The following PARD3 variants were observed in gnomAD, a reference collection of about 807,000 sequenced individuals.
PARD3 encodes the protein partitioning defective 3 homolog.
PARD3 carries 75 observed loss-of-function variants against 155.4 expected under a neutral mutation model. The ratio of observed to expected loss-of-function variants is 0.48; its 90% confidence interval spans 0.40 to 0.58. The LOEUF (loss-of-function observed/expected upper bound fraction) is 0.58. Ranked by LOEUF, PARD3 falls within the 20% of genes least tolerant of loss-of-function variation. The probability of loss-of-function intolerance (pLI) is 0.00; values close to 1 mark genes in which losing one functional copy is unlikely to be tolerated. For synonymous variants in PARD3, 576 were observed against 610.5 expected (o/e 0.94, Z 0.83); for missense variants, 1,642 against 1,721.7 (o/e 0.95, Z 0.82).
At chr10:34,628,306 C>T (rs192864960) in intron 2 of PARD3, among the ~76,000 whole-genome samples, 88 of 152,264 alleles carry the variant, frequency 5.8e-4, no homozygotes, top group African/African-American at 2.0e-3. Context: ...TAGTCAAATG[C>T]CAGGGACCAG....
intron 14 of PARD3, among the ~76,000 whole-genome samples, chr10:34,349,542 A>C (rs901181352): frequency 1.3e-5 from 2 of 149,832 alleles, no homozygotes; most frequent in African/African-American, 4.9e-5. Context: ...AGTTTCTAAA[A>C]GAATGTAATG....
At chr10:34,467,758 T>C (rs1195458716) in intron 4 of PARD3, among the ~76,000 whole-genome samples, 1 of 151,978 alleles carries the variant, frequency 6.6e-6, no homozygotes, top group Admixed American at 6.6e-5. Flanking sequence ...AATAAATAAA[T>C]AAATAAATAA....
intron 7 of PARD3, among the ~76,000 whole-genome samples, chr10:34,391,845 A>G (rs2132092068): frequency 6.6e-6 from 1 of 152,336 alleles, no homozygotes; most frequent in South Asian, 2.1e-4. Context: ...CAACTCAAAA[A>G]CGCAAAACAT....
intron 22 of PARD3, among the ~76,000 whole-genome samples, chr10:34,263,666 G>A (rs1403519695): frequency 1.3e-5 from 2 of 152,016 alleles, no homozygotes; most frequent in Non-Finnish European, 2.9e-5. Flanking sequence ...AAAAAAAGAA[G>A]AGCCCAGGAT....
chr10:34,262,709 T>G (rs982259372), intron 22 of PARD3, among the ~76,000 whole-genome samples: 3 of 152,186 alleles, frequency 2.0e-5, no homozygotes, highest in African/African-American at 7.2e-5. Flanking sequence ...TCAGACTCAG[T>G]AAGAATTTTA....
intron 2 of PARD3, among the ~76,000 whole-genome samples, chr10:34,664,642 C>T (rs1188575628): frequency 6.6e-6 from 1 of 151,956 alleles, no homozygotes; most frequent in Non-Finnish European, 1.5e-5. Flanking sequence ...TGTGCCACCA[C>T]ACCCAGCTAA....
At chr10:34,550,285 G>A (rs2084436288) in intron 2 of PARD3, among the ~76,000 whole-genome samples, 1 of 152,112 alleles carries the variant, frequency 6.6e-6, no homozygotes, top group African/African-American at 2.4e-5. Context: ...GCAGTGGTAG[G>A]ATCACTGCCT....
At chr10:34,445,955 G>A (rs2076718079) in intron 5 of PARD3, among the ~76,000 whole-genome samples, 1 of 152,126 alleles carries the variant, frequency 6.6e-6, no homozygotes, top group African/African-American at 2.4e-5. Flanking sequence ...AGTTCCAGGG[G>A]TCAAGCTCTA....
At chr10:34,283,777 T>C (rs893471750) in intron 21 of PARD3, among the ~76,000 whole-genome samples, 1 of 152,010 alleles carries the variant, frequency 6.6e-6, no homozygotes, top group East Asian at 1.9e-4. Context: ...AAAATTATTA[T>C]AATATACTAA....
intron 14 of PARD3, among the ~76,000 whole-genome samples, chr10:34,353,279 G>C (rs941906394): frequency 1.3e-5 from 2 of 152,214 alleles, no homozygotes; most frequent in African/African-American, 2.4e-5. Context: ...GTAGAAAAGG[G>C]GGAAATGTGG....
chr10:34,625,061 T>A (rs1041124401), intron 2 of PARD3, among the ~76,000 whole-genome samples: 1 of 152,158 alleles, frequency 6.6e-6, no homozygotes, highest in African/African-American at 2.4e-5. Flanking sequence ...ACAGGGACCT[T>A]CTTCCATATA....
At chr10:34,636,751 C>A (rs1181756783) in intron 2 of PARD3, among the ~76,000 whole-genome samples, 1 of 152,166 alleles carries the variant, frequency 6.6e-6, no homozygotes, top group Non-Finnish European at 1.5e-5. Context: ...AAAGGTGGGG[C>A]AGGGCGAGGA....
intron 12 of PARD3, among the ~76,000 whole-genome samples, chr10:34,367,230 A>G (rs181656805): frequency 7.2e-5 from 11 of 152,354 alleles, no homozygotes; most frequent in African/African-American, 2.4e-4. Flanking sequence ...AAAGGAGATT[A>G]AAGAGCCATG....
At chr10:34,130,421 G>A (rs537855423) in intron 23 of PARD3, among the ~76,000 whole-genome samples, 1 of 152,116 alleles carries the variant, frequency 6.6e-6, no homozygotes, top group Admixed American at 6.5e-5. Flanking sequence ...TCTATTCCCA[G>A]TCTTCTAAGC....
chr10:34,363,698 A>C (rs568083323), intron 12 of PARD3, among the ~76,000 whole-genome samples: 1 of 152,294 alleles, frequency 6.6e-6, no homozygotes, highest in South Asian at 2.1e-4. Context: ...TCGAATTAAG[A>C]TCTTTCTACA....
rs776637341 is a variant in PARD3 at position 34,377,996 on chromosome 10, G to T, written c.1510C>A (p.Arg504=). ...LPRGAAIQDG[R]LKAGDRLIEV... ...ATAAGTCTGTCTCCTGCCTTAAGTC[G>T]GCCATCCTGAATGGCCGCCCCCCGG... The change falls in exon 10 of 25, where the codon CGA becomes AGA. Residue 504 remains arginine (R), a synonymous_variant. Transcript: ENST00000374788. 1 of 1,585,310 alleles carries T rather than the reference G, an allele frequency of 6.3e-7. No individual in the cohort carries two copies. Among genetic ancestry groups the T allele is most frequent in the African/African-American group, 1.4e-5 (1 of 72,544 alleles).
At chr10:34,588,801 A>T (rs2088357358) in intron 2 of PARD3, among the ~76,000 whole-genome samples, 1 of 152,230 alleles carries the variant, frequency 6.6e-6, no homozygotes, top group African/African-American at 2.4e-5. Flanking sequence ...GGCTGGCAGC[A>T]TCAGTATCAG....
intron 5 of PARD3, among the ~76,000 whole-genome samples, chr10:34,421,600 C>T (rs552250187): frequency 6.6e-6 from 1 of 152,184 alleles, no homozygotes; most frequent in South Asian, 2.1e-4. Flanking sequence ...TAGCTGCAAG[C>T]TCATTAAACA....
At chr10:34,690,193 C>T (rs1463214812) in intron 2 of PARD3, among the ~76,000 whole-genome samples, 1 of 152,206 alleles carries the variant, frequency 6.6e-6, no homozygotes, top group Non-Finnish European at 1.5e-5. Flanking sequence ...ATCTGCCCAC[C>T]TCAGCCTCCC....
Sources: gnomAD v4.1 joint callset for allele counts (sites outside exome capture counted in the v4.1 genomes callset) on GRCh38, gnomAD v4.1.1 for gene constraint, MANE v1.5 for transcripts, NCBI Gene and HGNC (gene_info 2026-07-23, HGNC 2026-07-21) for gene names.